GALNT13: variants seen among roughly 807,000 people sequenced by gnomAD.
GALNT13 encodes the protein polypeptide N-acetylgalactosaminyltransferase 13.
GALNT13 carries 28 observed loss-of-function variants against 64.2 expected under a neutral mutation model. That is an observed-to-expected ratio of 0.44 (90% CI 0.32 to 0.60). The LOEUF (loss-of-function observed/expected upper bound fraction) is 0.60. GALNT13 is among the 20% of genes least tolerant of loss of function. GALNT13 has a pLI of 0.05. For synonymous variants in GALNT13, 214 were observed against 224.6 expected (o/e 0.95, Z 0.42); for missense variants, 577 against 669.8 (o/e 0.86, Z 1.53).
chr2:153,854,448 G>T, the GALNT13 span, among the ~76,000 whole-genome samples: 2 of 151,828 alleles, frequency 1.3e-5, no homozygotes, highest in African/African-American at 2.4e-5. Context: ...AGGCGTGGGG[G>T]TGCACACCTG....
At chr2:154,285,405 G>A (rs1034473689) in intron 8 of GALNT13, among the ~76,000 whole-genome samples, 1 of 152,162 alleles carries the variant, frequency 6.6e-6, no homozygotes, top group Middle Eastern at 3.4e-3. Context: ...TGTATATGGT[G>A]TGAAATAGTA....
intron 3 of GALNT13, among the ~76,000 whole-genome samples, chr2:154,014,623 C>T: frequency 8.9e-6 from 1 of 112,604 alleles, no homozygotes; most frequent in African/African-American, 3.2e-5. Flanking sequence ...TTTTGTCTTT[C>T]TGATAATTCT....
chr2:153,971,842 G>T (rs950305598), intron 3 of GALNT13, among the ~76,000 whole-genome samples: 1 of 152,002 alleles, frequency 6.6e-6, no homozygotes, highest in Non-Finnish European at 1.5e-5. Flanking sequence ...ATGTCAACCT[G>T]GACCCTCAGA....
the GALNT13 span, among the ~76,000 whole-genome samples, chr2:153,551,814 G>A: frequency 1.3e-5 from 2 of 152,092 alleles, no homozygotes; most frequent in Non-Finnish European, 2.9e-5. Flanking sequence ...GTAGGTCAGG[G>A]CATAATTCTA....
chr2:153,723,621 T>C, the GALNT13 span, among the ~76,000 whole-genome samples: 2 of 152,080 alleles, frequency 1.3e-5, no homozygotes, highest in African/African-American at 4.8e-5. Context: ...GGATACAATA[T>C]CAATGTACAA....
chr2:153,291,487 T>G, the GALNT13 span, among the ~76,000 whole-genome samples: 1 of 152,218 alleles, frequency 6.6e-6, no homozygotes, highest in South Asian at 2.1e-4. Flanking sequence ...TTTCAAAAGA[T>G]TTCGTATGTG....
intron 9 of GALNT13, among the ~76,000 whole-genome samples, chr2:154,378,352 A>G (rs541727705): frequency 1.3e-5 from 2 of 152,180 alleles, no homozygotes; most frequent in South Asian, 4.1e-4. Flanking sequence ...ACTTGAGACA[A>G]TAAGGAAATA....
the GALNT13 span, among the ~76,000 whole-genome samples, chr2:153,652,088 T>G: frequency 1.3e-5 from 2 of 152,156 alleles, no homozygotes; most frequent in African/African-American, 2.4e-5. Flanking sequence ...CCACCTAACC[T>G]TAATCTAGTC....
At chr2:153,650,293 CT>C in the GALNT13 span, among the ~76,000 whole-genome samples, 3 of 151,808 alleles carry the variant, frequency 2.0e-5, no homozygotes, top group Admixed American at 6.6e-5. Flanking sequence ...CAACCCCTGC[CT>C]TTTTTTGTTT....
chr2:153,622,472 A>G, the GALNT13 span, among the ~76,000 whole-genome samples: 78,626 of 152,040 alleles, frequency 0.52, 22,205 homozygotes, highest in African/African-American at 0.76. Context: ...GAAATTGAGG[A>G]AGCCTGCCCT....
intron 4 of GALNT13, among the ~76,000 whole-genome samples, chr2:154,206,819 G>C (rs959732467): frequency 1.3e-5 from 2 of 151,636 alleles, no homozygotes; most frequent in African/African-American, 4.8e-5. Flanking sequence ...AAACAGGAAG[G>C]GGATTTGAGA....
the GALNT13 span, among the ~76,000 whole-genome samples, chr2:153,560,947 A>C: frequency 1.3e-5 from 2 of 152,096 alleles, no homozygotes; most frequent in African/African-American, 4.8e-5. Flanking sequence ...CAAGCAATAC[A>C]TTTCCATTTG....
intron 9 of GALNT13, among the ~76,000 whole-genome samples, chr2:154,318,683 C>T (rs954493760): frequency 7.3e-5 from 11 of 151,058 alleles, no homozygotes; most frequent in African/African-American, 2.7e-4. Context: ...CAAGATTGCA[C>T]CATTCCACTC....
At chr2:153,527,852 A>G in the GALNT13 span, among the ~76,000 whole-genome samples, 2 of 151,962 alleles carry the variant, frequency 1.3e-5, no homozygotes, top group African/African-American at 2.4e-5. Context: ...TTTAATTTTT[A>G]TCAGCTTAAA....
At chr2:154,150,160 G>A (rs1425909820) in intron 4 of GALNT13, among the ~76,000 whole-genome samples, 1 of 152,078 alleles carries the variant, frequency 6.6e-6, no homozygotes, top group Non-Finnish European at 1.5e-5. Flanking sequence ...TTTGTCAAAG[G>A]CCTTTTCGGC....
chr2:153,650,249 G>A, the GALNT13 span, among the ~76,000 whole-genome samples: 1 of 151,992 alleles, frequency 6.6e-6, no homozygotes, highest in African/African-American at 2.4e-5. Context: ...GATCTTTGTT[G>A]GTTTAAAGTC....
the GALNT13 span, among the ~76,000 whole-genome samples, chr2:153,693,753 A>T: frequency 6.6e-6 from 1 of 152,132 alleles, no homozygotes; most frequent in Non-Finnish European, 1.5e-5. Context: ...ACATGTAGAA[A>T]GAAGGGAGTT....
At chr2:154,141,370 A>G (rs1451584986) in intron 4 of GALNT13, among the ~76,000 whole-genome samples, 1 of 152,152 alleles carries the variant, frequency 6.6e-6, no homozygotes, top group African/African-American at 2.4e-5. Context: ...ACTGTTTAGT[A>G]TTAATACTTA....
chr2:154,249,981 T>C (rs2105885670), intron 7 of GALNT13, among the ~76,000 whole-genome samples: 1 of 152,240 alleles, frequency 6.6e-6, no homozygotes, highest in South Asian at 2.1e-4. Flanking sequence ...TCACATATAT[T>C]ATCTCCTCTA....
Sources: gnomAD v4.1 joint callset for allele counts (sites outside exome capture counted in the v4.1 genomes callset) on GRCh38, gnomAD v4.1.1 for gene constraint, MANE v1.5 for transcripts, NCBI Gene and HGNC (gene_info 2026-07-23, HGNC 2026-07-21) for gene names.